The following EBLN1 variants were observed in gnomAD, a reference collection of about 807,000 sequenced individuals.
EBLN1 encodes the protein endogenous Bornavirus-like nucleoprotein 1.
EBLN1 carries 1 observed loss-of-function variant against 0.8 expected under a neutral mutation model. The ratio of observed to expected loss-of-function variants is 1.32; its 90% confidence interval spans 0.47 to 6.26. The LOEUF (loss-of-function observed/expected upper bound fraction) is 6.26. Among genes scored for constraint, EBLN1 ranks in the 30% most tolerant of loss-of-function variants. The probability of loss-of-function intolerance (pLI) is 0.15; values close to 1 mark genes in which losing one functional copy is unlikely to be tolerated. For missense variants in EBLN1, 396 were observed against 447.9 expected, an observed-to-expected ratio of 0.88 and a Z score of 1.05; for synonymous variants, 158 against 158.5, an observed-to-expected ratio of 1.00 and a Z score of 0.02.
intron 1 of EBLN1, among the ~76,000 whole-genome samples, chr10:22,214,764 G>A (rs1305703998): frequency 1.3e-5 from 2 of 152,098 alleles, no homozygotes; most frequent in Non-Finnish European, 2.9e-5. Context: ...AGTTACCGTA[G>A]GACCCACCAA....
Position 22,209,814 on chromosome 10 carries a change from T to A in EBLN1, c.170A>T (p.Glu57Val). ...GTCTAGCATAGACTTAGTTGCTTTT[T>A]CAATGACCTTAACATCTCCAATACC... ...QPGIGDVKVI[E>V]KATKSMLDPA... Residue 57 changes from glutamate (E) to valine (V), a missense_variant, in exon 3 of 3, where the codon GAA becomes GTA. Physicochemically the swap from Glu to Val is moderately radical, Grantham distance 121 (BLOSUM62 -2). Transcript: ENST00000422359. 6.5e-7 allele frequency: 1 copy of A among 1,534,424 alleles called. No homozygotes were observed. Among genetic ancestry groups the A allele is most frequent in the South Asian group, 1.2e-5 (1 of 83,820 alleles).
At chr10:22,215,053 C>T (rs749609895) in intron 1 of EBLN1, among the ~76,000 whole-genome samples, 16 of 152,082 alleles carry the variant, frequency 1.1e-4, no homozygotes, top group Non-Finnish European at 1.5e-4. Flanking sequence ...ATATGTTGTG[C>T]GATTCCATTT....
chr10:22,209,598 G>A lies in EBLN1; in HGVS notation c.386C>T (p.Thr129Ile). The A allele has an allele frequency of 2.0e-6, 3 of 1,537,212 alleles. No homozygotes were observed. Among genetic ancestry groups the A allele is most frequent in the Non-Finnish European group, 2.6e-6 (3 of 1,147,654 alleles). ...CAGAATTGATGACATCTCAAGGGCA[G>A]TGAAGGTAGGCAAAACATCTTCAAA... ...SKFEDVLPTF[T>I]ALEMSSILRH... is the part of the protein sequence containing the mutation. Residue 129 changes from threonine to isoleucine, a missense_variant, in exon 3 of 3, where the codon ACT becomes ATT. Physicochemically the swap from Thr to Ile is moderately conservative, Grantham distance 89. Coordinates refer to ENST00000422359, the MANE Select transcript of EBLN1 (RefSeq NM_001394757.1).
At chr10:22,216,966 A>T (rs1834796994) in intron 1 of EBLN1, among the ~76,000 whole-genome samples, 1 of 152,182 alleles carries the variant, frequency 6.6e-6, no homozygotes, top group Admixed American at 6.5e-5. Context: ...CTAAAACACA[A>T]AACTTGTGCG....
At chr10:22,215,647 T>C (rs1420831019) in intron 1 of EBLN1, among the ~76,000 whole-genome samples, 1 of 152,156 alleles carries the variant, frequency 6.6e-6, no homozygotes, top group Admixed American at 6.5e-5. Context: ...TAGCAACAGA[T>C]ATCAAGAACT....
chr10:22,217,157 G>A (rs1238372143), intron 1 of EBLN1, among the ~76,000 whole-genome samples: 6 of 152,012 alleles, frequency 3.9e-5, no homozygotes, highest in Non-Finnish European at 5.9e-5. Flanking sequence ...ACGGAGTCTC[G>A]CTCTGTTGTT....
At chr10:22,214,214 A>G (rs761845132) in intron 1 of EBLN1, among the ~76,000 whole-genome samples, 1 of 152,174 alleles carries the variant, frequency 6.6e-6, no homozygotes, top group African/African-American at 2.4e-5. Flanking sequence ...AGATTAAATT[A>G]TAGAAAAATT....
In EBLN1 at chr10:22,209,654, G is replaced by T. The variant is rs1225763323; in HGVS notation, c.330C>A (p.Asn110Lys). ...TAGCATAGAGAGTACCTGTTTCCTT[G>T]TTCTCATTCCCAATCACAATATTAG... ...KRSNIVIGNENKETGTLYASK... is the reference protein window; with the variant it reads ...KRSNIVIGNEKKETGTLYASK... The change falls in exon 3 of 3, where the codon AAC (asparagine) becomes AAA (lysine). Residue 110 changes from asparagine (N) to lysine (K), a missense_variant. By Grantham distance (94) the Asn-to-Lys change is moderately conservative (BLOSUM62 0). Coordinates refer to ENST00000422359, the MANE Select transcript of EBLN1 (RefSeq NM_001394757.1). 6.5e-7 allele frequency: 1 copy of T among 1,535,856 alleles called. No individual in the cohort carries two copies. Among genetic ancestry groups the T allele is most frequent in the East Asian group, 2.4e-5 (1 of 40,924 alleles).
rs1834715580 is a variant in EBLN1, at chr10:22,208,766, G to A, written c.*117C>T. The stretch of plus-strand genomic sequence containing the variant: ...AAAAGATTATAGAGAAGTTGCGATA[G>A]ATGTCAGAGACAGACCAAGATTGAA... On this transcript the variant is annotated 3_prime_UTR_variant, in exon 3 of 3. Coordinates refer to ENST00000422359, the MANE Select transcript of EBLN1 (RefSeq NM_001394757.1). 3 of 1,085,880 alleles carry A rather than the reference G, an allele frequency of 2.8e-6. No homozygotes were observed. Among genetic ancestry groups the A allele is most frequent in the Non-Finnish European group, 1.3e-6 (1 of 797,010 alleles). 67.3% of individuals were successfully genotyped at this position (1,085,880 alleles called of 1,614,324 possible).
In EBLN1 at chr10:22,209,874, C is replaced by T. The variant is rs1161800298; in HGVS notation, c.110G>A (p.Arg37Lys). The T allele has an allele frequency of 1.3e-6, 2 of 1,515,940 alleles. No individual in the cohort carries two copies. Among genetic ancestry groups the T allele is most frequent in the Non-Finnish European group, 1.8e-6 (2 of 1,138,536 alleles). 93.9% of individuals were successfully genotyped at this position (1,515,940 alleles called of 1,614,324 possible). The change falls in exon 3 of 3, where the codon AGA becomes AAA. Residue 37 changes from arginine to lysine, a missense_variant. Transcript: ENST00000422359. ...QGRFELSGKS[R>K]QYPADALEPQ... Reference sequence around the variant, plus strand: ...CTCCAATGCATCTGCTGGATACTGTCTGCTCTTCCCAGAGAGCTCAAATCT... The same window carrying T: ...CTCCAATGCATCTGCTGGATACTGTTTGCTCTTCCCAGAGAGCTCAAATCT...
intron 1 of EBLN1, among the ~76,000 whole-genome samples, chr10:22,213,846 T>A (rs117823037): frequency 6.6e-6 from 1 of 152,004 alleles, no homozygotes; most frequent in Non-Finnish European, 1.5e-5. Flanking sequence ...TGGAAAAAAA[T>A]GAGAGTCACT....
rs1232611594 is a variant in EBLN1 at position 22,209,970 on chromosome 10, C to T, written c.14G>A (p.Arg5Lys). 10 of 1,416,196 alleles carry T rather than the reference C, an allele frequency of 7.1e-6. No individual in the cohort carries two copies. The highest frequency in any genetic ancestry group is 9.2e-6 in the Non-Finnish European group (10 of 1,089,132). 87.7% of individuals were successfully genotyped at this position (1,416,196 alleles called of 1,614,324 possible). The change falls in exon 3 of 3, where the codon AGA becomes AAA. Residue 5 changes from arginine to lysine, a missense_variant. Physicochemically the swap from Arg to Lys is conservative, Grantham distance 26 (BLOSUM62 2). Transcript: ENST00000422359. Reference sequence around the variant, plus strand: ...TGGGCTGCTGGTCTGTGGGTTGTTTCTTGGGCGGGACATTGTGGGTGATTG... The same window carrying T: ...TGGGCTGCTGGTCTGTGGGTTGTTTTTTGGGCGGGACATTGTGGGTGATTG... The part of the protein sequence containing the change: MSRP[R>K]NNPQTSSPQD...
intron 2 of EBLN1, among the ~76,000 whole-genome samples, chr10:22,212,140 T>A (rs59091394): frequency 6.6e-6 from 1 of 152,296 alleles, no homozygotes; most frequent in South Asian, 2.1e-4. Context: ...GTACTGCATA[T>A]CTCTAAAGCA....
Position 22,208,929 on chromosome 10 carries a change from T to C in EBLN1, c.1055A>G (p.Tyr352Cys), listed in dbSNP as rs1302205723. 1.6e-5 allele frequency: 24 copies of C among 1,535,586 alleles called. No homozygotes were observed. The highest frequency in any genetic ancestry group is 2.1e-5 in the Non-Finnish European group (24 of 1,146,910). Residue 352 changes from tyrosine to cysteine, a missense_variant, in exon 3 of 3, where the codon TAT becomes TGT. Coordinates refer to ENST00000422359, the MANE Select transcript of EBLN1 (RefSeq NM_001394757.1). ...KISRGSDMDP[Y>C]TLNILRGYGI... ...ATAACCGCGAAGGATGTTAAGTGTATATGGATCCATGTCACTTCCTCTGGA... is the reference window on the plus strand; with the variant it reads ...ATAACCGCGAAGGATGTTAAGTGTACATGGATCCATGTCACTTCCTCTGGA...
chr10:22,211,043 T>C (rs980091546), intron 2 of EBLN1, among the ~76,000 whole-genome samples: 29 of 152,332 alleles, frequency 1.9e-4, no homozygotes, highest in Admixed American at 9.8e-4. Context: ...TGATAAAAGC[T>C]TAAAGCTGAC....
Position 22,215,390 on chromosome 10 carries a change from C to A in EBLN1, c.-168-2425G>T, listed in dbSNP as rs539492808. Among the ~76,000 whole-genome samples, 5 of 152,128 alleles carry A rather than the reference C, an allele frequency of 3.3e-5. No individual in the cohort carries two copies. The South Asian group carries it at 1.0e-3, about 32-fold the overall frequency. On this transcript the variant is annotated intron_variant, in intron 1 of 2. Coordinates refer to ENST00000422359, the MANE Select transcript of EBLN1 (RefSeq NM_001394757.1). ...TTATAAATAGCTTTATTATAAGATG[C>A]TTTTTAAAGTATGCCCAGCCAAATC...
At chr10:22,215,327 A>G (rs908217168) in intron 1 of EBLN1, among the ~76,000 whole-genome samples, 1 of 152,188 alleles carries the variant, frequency 6.6e-6, no homozygotes, top group African/African-American at 2.4e-5. Flanking sequence ...AATGTGTAAT[A>G]TATTATCACA....
rs1361351642 is a variant in EBLN1 at position 22,208,866 on chromosome 10, A to G, written c.*17T>C. The G allele has an allele frequency of 1.3e-6, 2 of 1,504,512 alleles. No homozygotes were observed. The highest frequency in any genetic ancestry group is 1.8e-6 in the Non-Finnish European group (2 of 1,133,256). 93.2% of individuals were successfully genotyped at this position (1,504,512 alleles called of 1,614,324 possible). The stretch of plus-strand genomic sequence containing the variant: ...TTTCTTTTTATATGTATATATAAGG[A>G]TTAGTTCACGTATTTGTTATTCAAA... On this transcript the variant is annotated 3_prime_UTR_variant, in exon 3 of 3. Coordinates refer to ENST00000422359, the MANE Select transcript of EBLN1 (RefSeq NM_001394757.1).
intron 1 of EBLN1, among the ~76,000 whole-genome samples, chr10:22,214,404 A>G (rs1266232544): frequency 6.6e-6 from 1 of 151,574 alleles, no homozygotes; most frequent in East Asian, 1.9e-4. Context: ...GGCTCAAGCA[A>G]TCCTTCTTCC....
Sources: gnomAD v4.1 joint callset for allele counts (sites outside exome capture counted in the v4.1 genomes callset) on GRCh38, gnomAD v4.1.1 for gene constraint, MANE v1.5 for transcripts, NCBI Gene and HGNC (gene_info 2026-07-23, HGNC 2026-07-21) for gene names.